The following ANAPC7 variants were observed in gnomAD, a reference collection of about 807,000 sequenced individuals.
ANAPC7 encodes the protein anaphase-promoting complex subunit 7.
Under a neutral mutation model 63.3 loss-of-function variants are expected in ANAPC7, and 25 were observed. The observed-to-expected ratio is 0.39, with a 90% CI of 0.29 to 0.55. The LOEUF (loss-of-function observed/expected upper bound fraction) is 0.55, where lower values mean the gene tolerates loss of function less well. Among genes scored for constraint, ANAPC7 ranks in the 20% least tolerant of loss-of-function variants. The probability of loss-of-function intolerance (pLI) is 0.57; values close to 1 mark genes in which losing one functional copy is unlikely to be tolerated. For missense variants in ANAPC7, 516 were observed against 691.7 expected (o/e 0.75, Z 2.85); for synonymous variants, 241 against 251.7 (o/e 0.96, Z 0.40).
At chr12:110,386,219 A>G in intron 6 of ANAPC7, 108 bp downstream of exon 6, 1 of 1,502,358 alleles carries the variant, frequency 6.7e-7, no homozygotes, top group Non-Finnish European at 9.1e-7. Context: ...AGTTTTATAC[A>G]CCATTTCTAT....
intron 6 of ANAPC7, among the ~76,000 whole-genome samples, chr12:110,385,908 A>C (rs1177227291): frequency 6.6e-6 from 1 of 152,152 alleles, no homozygotes; most frequent in Non-Finnish European, 1.5e-5. Flanking sequence ...TTCACGCCTA[A>C]TTACTGCCTT....
In ANAPC7 at chr12:110,373,970, GCT is replaced by G. The variant is rs1317516361; in HGVS notation, c.*172_*173del. ...TGGAGATACATGGAAGGTTGGTCAG[GCT>G]CTGTTTTAGAAATGAAGTCACGACT... On this transcript the variant is annotated 3_prime_UTR_variant, in exon 11 of 11. Transcript: ENST00000455511. The G allele has an allele frequency of 1.7e-5, 11 of 663,322 alleles. No individual in the cohort carries two copies. Among genetic ancestry groups the G allele is most frequent in the Non-Finnish European group, 2.5e-5 (11 of 432,204 alleles). 41.1% of individuals were successfully genotyped at this position (663,322 alleles called of 1,614,324 possible).
At chr12:110,390,819 C>G (rs1883024213) in intron 3 of ANAPC7, among the ~76,000 whole-genome samples, 1 of 152,162 alleles carries the variant, frequency 6.6e-6, no homozygotes, top group Non-Finnish European at 1.5e-5. Context: ...GACTATCTTT[C>G]TCAACAAATA....
chr12:110,374,112 C>T lies in ANAPC7; in HGVS notation c.*32G>A. 1.3e-6 allele frequency: 2 copies of T among 1,586,410 alleles called. No individual in the cohort carries two copies. Among genetic ancestry groups the T allele is most frequent in the Admixed American group, 1.7e-5 (1 of 58,948 alleles). Reference sequence around the variant, plus strand: ...GTCCACGGAAGTGCTCAGAGCAGGGCAGGCCACTGCGGCCATGGAGCTGCC... The same window carrying T: ...GTCCACGGAAGTGCTCAGAGCAGGGTAGGCCACTGCGGCCATGGAGCTGCC... On this transcript the variant is annotated 3_prime_UTR_variant, in exon 11 of 11. Coordinates refer to ENST00000455511, the MANE Select transcript of ANAPC7 (RefSeq NM_016238.3).
chr12:110,397,557 C>CAAA lies in ANAPC7; in HGVS notation c.102-1108_102-1106dup, dbSNP rs536665095. On this transcript the variant is annotated intron_variant, in intron 1 of 10. Coordinates refer to ENST00000455511, the MANE Select transcript of ANAPC7 (RefSeq NM_016238.3). The stretch of plus-strand genomic sequence containing the variant: ...CTGGCGACAGAGCGAGATCTCGTCT[C>CAAA]AAAAAAAAAAAAAAACACTAAAAAC... Among the ~76,000 whole-genome samples the CAAA allele has an allele frequency of 5.2e-4, 51 of 98,396 alleles. 1 individual carries two copies. Among genetic ancestry groups the CAAA allele is most frequent in the African/African-American group, 1.5e-3 (43 of 28,454 alleles). 64.6% of individuals were successfully genotyped at this position (98,396 alleles called of 152,430 possible).
intron 5 of ANAPC7, 143 bp downstream of exon 5, chr12:110,387,596 G>C (rs1882729819): frequency 6.5e-6 from 6 of 920,368 alleles, no homozygotes; most frequent in Non-Finnish European, 9.9e-6. Flanking sequence ...GGACCATTCA[G>C]TATAAAAGAC....
At position 110,377,445 on chromosome 12, in the gene ANAPC7, C is replaced by T; in HGVS notation, c.1305G>A (p.Leu435=). The change falls in exon 9 of 11, where the codon CTG becomes CTA. Residue 435 remains leucine (L), a synonymous_variant. Coordinates refer to ENST00000455511, the MANE Select transcript of ANAPC7 (RefSeq NM_016238.3). The part of the protein sequence containing the change: ...EKAKTLLDKA[L]TQRPDYIKAV... ...CCTTAATGTAATCTGGCCTTTGGGT[C>T]AGGGCTTTATCTAATAATGTTTTGG... 1 of 1,614,136 alleles carries T rather than the reference C, an allele frequency of 6.2e-7. No homozygotes were observed. Among genetic ancestry groups the T allele is most frequent in the Non-Finnish European group, 8.5e-7 (1 of 1,180,022 alleles).
Position 110,387,801 on chromosome 12 carries a change from C to A in ANAPC7, c.612G>T (p.Val204=), listed in dbSNP as rs763239910. The A allele has an allele frequency of 1.9e-6, 3 of 1,614,186 alleles. No individual in the cohort carries two copies. Among genetic ancestry groups the A allele is most frequent in the African/African-American group, 1.3e-5 (1 of 75,042 alleles). Residue 204 remains valine (V), a synonymous_variant, in exon 5 of 11, where the codon GTG becomes GTT. Transcript: ENST00000455511. The stretch of plus-strand genomic sequence containing the variant: ...GCACAAAAGCATACGCTTTGATCCA[C>A]ACAGAGAGCCAGTCCAAGTTAGGCA... ...QTVPNLDWLS[V]WIKAYAFVHT...
chr12:110,389,030 C>T (rs1168874990), intron 3 of ANAPC7, among the ~76,000 whole-genome samples: 10 of 148,830 alleles, frequency 6.7e-5, no homozygotes, highest in South Asian at 2.1e-4. Context: ...TGCAGTGAAC[C>T]GACATCACGC....
intron 7 of ANAPC7, among the ~76,000 whole-genome samples, chr12:110,382,458 AAAAATATATATATATATATAT>A (rs1881991311): frequency 1.2e-5 from 1 of 80,462 alleles, no homozygotes; most frequent in Non-Finnish European, 2.5e-5. Flanking sequence ...AAAAAAAAAA[AAAAATATATATATATATATAT>A]ATATATATAT....
chr12:110,381,525 C>A (rs866792068), intron 8 of ANAPC7, among the ~76,000 whole-genome samples: 1 of 151,860 alleles, frequency 6.6e-6, no homozygotes, highest in Non-Finnish European at 1.5e-5. Flanking sequence ...TTAGTAGAGA[C>A]GGGGTTTCAC....
chr12:110,394,844 A>C (rs1019280236), intron 3 of ANAPC7, among the ~76,000 whole-genome samples: 1 of 152,092 alleles, frequency 6.6e-6, no homozygotes, highest in African/African-American at 2.4e-5. Context: ...ACTCTGTCTC[A>C]AAAAATATTA....
chr12:110,374,088 T>C lies in ANAPC7; in HGVS notation c.*56A>G, dbSNP rs1881037871. Reference sequence around the variant, plus strand: ...GAGCAGGCTCCTACGGTTCCTTCAGTCCACGGAAGTGCTCAGAGCAGGGCA... The same window carrying C: ...GAGCAGGCTCCTACGGTTCCTTCAGCCCACGGAAGTGCTCAGAGCAGGGCA... On this transcript the variant is annotated 3_prime_UTR_variant, in exon 11 of 11. Coordinates refer to ENST00000455511, the MANE Select transcript of ANAPC7 (RefSeq NM_016238.3). 6.6e-7 allele frequency: 1 copy of C among 1,521,054 alleles called. No homozygotes were observed. Among genetic ancestry groups the C allele is most frequent in the Non-Finnish European group, 8.8e-7 (1 of 1,136,298 alleles). The allele number at this position is 1,521,054 out of a possible 1,614,324, so 94.2% of individuals were successfully genotyped here. A position where few individuals can be genotyped will look rare whatever the true frequency, so the allele number is the denominator to read the frequency against.
chr12:110,385,241 G>A (rs1025344450), intron 6 of ANAPC7, among the ~76,000 whole-genome samples: 1 of 152,184 alleles, frequency 6.6e-6, no homozygotes, highest in Non-Finnish European at 1.5e-5. Flanking sequence ...ACTCCTGCCT[G>A]GGCGACAAGA....
intron 8 of ANAPC7, among the ~76,000 whole-genome samples, chr12:110,378,328 A>T (rs1338351239): frequency 6.6e-6 from 1 of 152,222 alleles, no homozygotes; most frequent in African/African-American, 2.4e-5. Flanking sequence ...TCCTGACCTC[A>T]GGTGATCCGC....
chr12:110,393,967 T>C (rs1436126115), intron 3 of ANAPC7, among the ~76,000 whole-genome samples: 2 of 148,746 alleles, frequency 1.3e-5, no homozygotes, highest in Non-Finnish European at 3.0e-5. Flanking sequence ...AGTCAGGAGT[T>C]CGAGACCAGC....
At chr12:110,387,269 G>GAGAGAGAGAGAGAC (rs1882580783) in intron 5 of ANAPC7, 1 of 124,782 alleles carries the variant, frequency 8.0e-6, no homozygotes, top group Non-Finnish European at 1.7e-5. Context: ...GAGAGAGAGA[G>GAGAGAGAGAGAGAC]AGAGAGAGAG....
intron 1 of ANAPC7, among the ~76,000 whole-genome samples, chr12:110,403,126 C>A (rs1592937606): frequency 6.6e-6 from 1 of 152,050 alleles, no homozygotes; most frequent in Non-Finnish European, 1.5e-5. Context: ...CGGGGGCTAG[C>A]GCATAAAAAC....
chr12:110,377,812 T>C (rs1172263618), intron 8 of ANAPC7, 195 bp from the exon 9 acceptor site: 1 of 1,430,276 alleles, frequency 7.0e-7, no homozygotes, highest in Non-Finnish European at 9.1e-7. Context: ...GAGAACTTGA[T>C]GGATGTAGAA....
Sources: gnomAD v4.1 joint callset for allele counts (sites outside exome capture counted in the v4.1 genomes callset) on GRCh38, gnomAD v4.1.1 for gene constraint, MANE v1.5 for transcripts, NCBI Gene and HGNC (gene_info 2026-07-23, HGNC 2026-07-21) for gene names.